TTC28: variants seen among roughly 807,000 people sequenced by gnomAD.
TTC28 encodes tetratricopeptide repeat domain 28.
In TTC28, 61 loss-of-function variants were observed where a neutral mutation model predicts 198.0. That is an observed-to-expected ratio of 0.31 (90% CI 0.25 to 0.38). The LOEUF is 0.38. Among genes scored for constraint, TTC28 ranks in the 10% least tolerant of loss-of-function variants. The pLI is 1.00. For missense variants in TTC28, 2,678 were observed against 3,164.0 expected, an observed-to-expected ratio of 0.85 and a Z score of 3.69; for synonymous variants, 1,171 against 1,297.8, an observed-to-expected ratio of 0.90 and a Z score of 2.10.
chr22:28,123,184 C>T (rs932020897), intron 6 of TTC28, among the ~76,000 whole-genome samples: 1 of 152,110 alleles, frequency 6.6e-6, no homozygotes, highest in Non-Finnish European at 1.5e-5. Flanking sequence ...CCCATCCTTT[C>T]CTTCTCTTTG....
In TTC28 at chr22:28,313,463, G is replaced by A. The variant is rs182891659; in HGVS notation, c.382-6820C>T. Among the ~76,000 whole-genome samples, 148 of 152,212 alleles carry A rather than the reference G, an allele frequency of 9.7e-4. 1 individual carries two copies. Among genetic ancestry groups the A allele is most frequent in the Non-Finnish European group, 1.7e-3 (115 of 68,008 alleles). ...ATGAACATCGATGCGAAAATCCTCAGTAAAATACTGGCAAACCGAATCCAG... is the reference window on the plus strand; with the variant it reads ...ATGAACATCGATGCGAAAATCCTCAATAAAATACTGGCAAACCGAATCCAG... On this transcript the variant is annotated intron_variant, in intron 2 of 22. Coordinates refer to ENST00000397906, the MANE Select transcript of TTC28 (RefSeq NM_001145418.2).
intron 2 of TTC28, among the ~76,000 whole-genome samples, chr22:28,401,821 A>G (rs1226429625): frequency 6.6e-6 from 1 of 152,242 alleles, no homozygotes; most frequent in Non-Finnish European, 1.5e-5. Context: ...CTAGGCTCAC[A>G]GGAGAGCATA....
At chr22:28,287,949 C>T (rs1208548607) in intron 5 of TTC28, among the ~76,000 whole-genome samples, 1 of 152,158 alleles carries the variant, frequency 6.6e-6, no homozygotes, top group Admixed American at 6.5e-5. Context: ...ATAAAATCTA[C>T]AGCACTTTTT....
chr22:28,655,553 T>C (rs1425843447), intron 1 of TTC28, among the ~76,000 whole-genome samples: 1 of 152,166 alleles, frequency 6.6e-6, no homozygotes, highest in East Asian at 1.9e-4. Flanking sequence ...AAAAACAAGA[T>C]ACACTATTTC....
At chr22:28,367,775 T>C (rs2046271627) in intron 2 of TTC28, among the ~76,000 whole-genome samples, 1 of 151,998 alleles carries the variant, frequency 6.6e-6, no homozygotes, top group African/African-American at 2.4e-5. Flanking sequence ...CATTAGAGGC[T>C]GCTATGAACA....
intron 5 of TTC28, among the ~76,000 whole-genome samples, chr22:28,294,888 A>T (rs955065884): frequency 1.3e-5 from 2 of 152,106 alleles, no homozygotes; most frequent in African/African-American, 4.8e-5. Flanking sequence ...TATTTATAGC[A>T]ATCTGTCCCT....
At chr22:28,579,924 C>T (rs202013028) in intron 2 of TTC28, among the ~76,000 whole-genome samples, 2 of 151,906 alleles carry the variant, frequency 1.3e-5, no homozygotes, top group South Asian at 2.1e-4. Flanking sequence ...GAGCCAAGAT[C>T]GCGCCACTGC....
chr22:28,418,443 C>T (rs1323223624), intron 2 of TTC28, among the ~76,000 whole-genome samples: 1 of 152,134 alleles, frequency 6.6e-6, no homozygotes, highest in Non-Finnish European at 1.5e-5. Context: ...CTACAAAAAA[C>T]GCTTAAACTT....
chr22:28,001,268 G>A, intron 15 of TTC28, 106 bp downstream of exon 15: 1 of 1,345,628 alleles, frequency 7.4e-7, no homozygotes, highest in Non-Finnish European at 1.0e-6. Context: ...CACTTTTGAG[G>A]AGATCACAGC....
intron 2 of TTC28, among the ~76,000 whole-genome samples, chr22:28,452,165 G>A (rs368911207): frequency 3.3e-5 from 5 of 152,022 alleles, no homozygotes; most frequent in East Asian, 1.9e-4. Flanking sequence ...CAAGGTGGGC[G>A]GATCACAAGG....
At chr22:28,177,742 A>C (rs1160359974) in intron 5 of TTC28, among the ~76,000 whole-genome samples, 1 of 152,234 alleles carries the variant, frequency 6.6e-6, no homozygotes, top group Non-Finnish European at 1.5e-5. Context: ...GCTTAGTCAA[A>C]GAGGCTTGTC....
intron 12 of TTC28, among the ~76,000 whole-genome samples, chr22:28,065,872 A>C (rs999078879): frequency 1.3e-5 from 2 of 152,214 alleles, no homozygotes; most frequent in African/African-American, 4.8e-5. Context: ...GTCTCCCTGA[A>C]CATTTATTCC....
intron 6 of TTC28, among the ~76,000 whole-genome samples, chr22:28,122,257 C>T (rs948824674): frequency 3.3e-5 from 5 of 152,096 alleles, no homozygotes; most frequent in Non-Finnish European, 7.4e-5. Flanking sequence ...AATGTTGTGA[C>T]CATGAGGCTT....
At chr22:28,669,712 A>G (rs1231315956) in intron 1 of TTC28, among the ~76,000 whole-genome samples, 2 of 152,206 alleles carry the variant, frequency 1.3e-5, no homozygotes, top group African/African-American at 4.8e-5. Context: ...ATACCTTAAC[A>G]TGTTCACATT....
intron 5 of TTC28, among the ~76,000 whole-genome samples, chr22:28,188,956 A>G (rs2147121536): frequency 6.6e-6 from 1 of 152,308 alleles, no homozygotes; most frequent in South Asian, 2.1e-4. Context: ...CATTTGAGGA[A>G]AACTCTAATT....
intron 13 of TTC28, among the ~76,000 whole-genome samples, chr22:28,029,400 C>A (rs998269285): frequency 1.3e-5 from 2 of 152,222 alleles, no homozygotes; most frequent in Admixed American, 1.3e-4. Flanking sequence ...GCCTCCCACC[C>A]AGTGCACAGT....
intron 2 of TTC28, among the ~76,000 whole-genome samples, chr22:28,528,338 T>C (rs1281529183): frequency 6.6e-6 from 1 of 152,152 alleles, no homozygotes; most frequent in Non-Finnish European, 1.5e-5. Context: ...GCAAAGTTCT[T>C]ATCTTTTACT....
chr22:28,583,790 A>G (rs1380204281), intron 2 of TTC28, among the ~76,000 whole-genome samples: 2 of 152,202 alleles, frequency 1.3e-5, no homozygotes, highest in African/African-American at 2.4e-5. Flanking sequence ...TTTACAGAAT[A>G]TAAGAATAAA....
At chr22:28,392,767 G>A (rs1027252710) in intron 2 of TTC28, among the ~76,000 whole-genome samples, 20 of 151,896 alleles carry the variant, frequency 1.3e-4, no homozygotes, top group African/African-American at 2.2e-4. Context: ...AGATGAACCC[G>A]GTACCTCAGA....
Sources: allele counts gnomAD v4.1 joint callset (sites outside exome capture counted in the v4.1 genomes callset), GRCh38; gene constraint gnomAD v4.1.1; transcripts MANE v1.5; gene names NCBI Gene and HGNC (gene_info 2026-07-23, HGNC 2026-07-21).